Variants in BACH1 observed in about 807,000 individuals in gnomAD.
BACH1 encodes the protein BTB domain and CNC homolog 1.
BACH1 carries 35 observed loss-of-function variants against 52.9 expected under a neutral mutation model. That is an observed-to-expected ratio of 0.66 (90% CI 0.51 to 0.88). BACH1 has a LOEUF of 0.88. Among genes scored for constraint, BACH1 ranks in the 40% least tolerant of loss-of-function variants. BACH1 has a pLI of 0.00. For missense variants in BACH1, 808 were observed against 872.6 expected, an observed-to-expected ratio of 0.93 and a Z score of 0.93; for synonymous variants, 321 against 319.6, an observed-to-expected ratio of 1.00 and a Z score of -0.05.
At chr21:29,300,447 C>A (rs1158008657) in intron 1 of BACH1, among the ~76,000 whole-genome samples, 1 of 152,126 alleles carries the variant, frequency 6.6e-6, no homozygotes, top group East Asian at 1.9e-4. Flanking sequence ...GGGGACCCAG[C>A]TGGGGTTGTT....
intron 1 of BACH1, among the ~76,000 whole-genome samples, chr21:29,310,792 T>C (rs2088711893): frequency 6.6e-6 from 1 of 152,246 alleles, no homozygotes; most frequent in Non-Finnish European, 1.5e-5. Context: ...CTAAATGGTT[T>C]CCACGGAGTG....
Position 29,327,041 on chromosome 21 carries a change from G to A in BACH1, c.1217G>A (p.Cys406Tyr). The stretch of plus-strand genomic sequence containing the variant: ...GCAAAAGGCTTCTGGAGTGACATTT[G>A]CAGCACGGACACTCCTTGCCAAATG... ...HLAKGFWSDI[C>Y]STDTPCQMQL... Residue 406 changes from cysteine to tyrosine, a missense_variant, in exon 3 of 5, where the codon TGC becomes TAC. Cys to Tyr is a radical substitution (Grantham distance 194, BLOSUM62 -2). Transcript: ENST00000286800. 6.2e-7 allele frequency: 1 copy of A among 1,614,212 alleles called. No homozygotes were observed. The highest frequency in any genetic ancestry group is 1.1e-5 in the South Asian group (1 of 91,084).
chr21:29,331,144 A>G (rs2088976823), intron 4 of BACH1, among the ~76,000 whole-genome samples: 3 of 152,142 alleles, frequency 2.0e-5, no homozygotes, highest in Non-Finnish European at 4.4e-5. Flanking sequence ...CTGCCTTTAG[A>G]AGGAGTATAG....
chr21:29,324,243 A>AT (rs1413599433), intron 2 of BACH1, among the ~76,000 whole-genome samples: 1 of 151,162 alleles, frequency 6.6e-6, no homozygotes, highest in Non-Finnish European at 1.5e-5. Flanking sequence ...AAAAAAAAAA[A>AT]AAAAAAAAAG....
At chr21:29,348,417 C>G (rs1015840965), downstream of BACH1, among the ~76,000 whole-genome samples, 5 of 152,026 alleles carry the variant, frequency 3.3e-5, no homozygotes, top group Non-Finnish European at 7.4e-5. Context: ...TCCCACAGCT[C>G]AGTACCTAGT....
rs1363378792 is a variant in BACH1, at chr21:29,327,172, C to G, written c.1348C>G (p.Gln450Glu). The change falls in exon 3 of 5, where the codon CAA becomes GAA. Residue 450 changes from glutamine (Q) to glutamate (E), a missense_variant. Transcript: ENST00000286800. ...IRISESPEPG[Q>E]RTFTTLSSVN... ...GATTAGTGAGAGCCCAGAACCAGGT[C>G]AAAGGACTTTCACAACATTAAGTTC... 4 of 1,614,096 alleles carry G rather than the reference C, an allele frequency of 2.5e-6. No individual in the cohort carries two copies. The highest frequency in any genetic ancestry group is 1.3e-5 in the African/African-American group (1 of 74,918).
chr21:29,339,478 T>TCTTTAC lies in BACH1; in HGVS notation c.1777-2919_1777-2914dup, dbSNP rs568782185. On this transcript the variant is annotated intron_variant, in intron 4 of 4. Transcript: ENST00000286800. The stretch of plus-strand genomic sequence containing the variant: ...GTGACCATTTTCTAACAGTGAGTAC[T>TCTTTAC]CTTTACCCTATCATAAAATTGTCAC... 1.6e-3 allele frequency among the ~76,000 whole-genome samples: 249 copies of TCTTTAC among 152,324 alleles called. 2 individuals are homozygous for TCTTTAC. Among genetic ancestry groups the TCTTTAC allele is most frequent in the South Asian group, 0.011 (52 of 4,826 alleles).
intron 1 of BACH1, among the ~76,000 whole-genome samples, chr21:29,317,577 A>G (rs1180466387): frequency 3.3e-5 from 5 of 152,160 alleles, no homozygotes; most frequent in Non-Finnish European, 7.3e-5. Context: ...GGCTTGAGAT[A>G]AGTCTGGATT....
chr21:29,319,116 G>A (rs1417912056), intron 1 of BACH1, among the ~76,000 whole-genome samples: 1 of 152,154 alleles, frequency 6.6e-6, no homozygotes, highest in Admixed American at 6.5e-5. Flanking sequence ...GCTGTTTTGA[G>A]GCATAAACGA....
chr21:29,353,603 G>A (rs2089216231), intron 2 of BACH1, among the ~76,000 whole-genome samples: 1 of 152,172 alleles, frequency 6.6e-6, no homozygotes, highest in Non-Finnish European at 1.5e-5. Context: ...AGCCTACAGA[G>A]GTGGTTGAAA....
chr21:29,321,146 A>G (rs973160920), intron 1 of BACH1, 75 bp from the exon 2 acceptor site: 11 of 766,516 alleles, frequency 1.4e-5, no homozygotes, highest in Middle Eastern at 2.8e-4. Flanking sequence ...ATGAGTATGT[A>G]TCTTAGCCTG....
chr21:29,327,242 C>T lies in BACH1; in HGVS notation c.1418C>T (p.Ser473Leu), dbSNP rs761553877. 4 of 1,614,048 alleles carry T rather than the reference C, an allele frequency of 2.5e-6. No homozygotes were observed. In the African/African-American group the frequency reaches 5.3e-5, roughly 22 times the overall value. The change falls in exon 3 of 5, where the codon TCA becomes TTA. Residue 473 changes from serine to leucine, a missense_variant. Ser to Leu is a moderately radical substitution (Grantham distance 145). Transcript: ENST00000286800. ...AGTACTCTGAGTACTGAAGGCTGTT[C>T]AAGCAATTTGGAAATTGGAAACGAT... Reference protein sequence around the residue: ...FISTLSTEGCSSNLEIGNDDY... With the variant: ...FISTLSTEGCLSNLEIGNDDY...
chr21:29,316,116 A>G (rs1473948323), intron 1 of BACH1, among the ~76,000 whole-genome samples: 4 of 152,228 alleles, frequency 2.6e-5, no homozygotes, highest in Non-Finnish European at 5.9e-5. Flanking sequence ...ATACAAAGTT[A>G]TCTTCTGACT....
intron 1 of BACH1, among the ~76,000 whole-genome samples, chr21:29,314,679 A>G (rs1050610314): frequency 1.3e-5 from 2 of 152,146 alleles, no homozygotes; most frequent in Admixed American, 1.3e-4. Flanking sequence ...TCCTCTAACA[A>G]TGTCATCATT....
intron 4 of BACH1, among the ~76,000 whole-genome samples, chr21:29,334,554 A>G (rs1343633647): frequency 6.6e-6 from 1 of 152,222 alleles, no homozygotes; most frequent in Non-Finnish European, 1.5e-5. Flanking sequence ...TATCTCTGAT[A>G]ACCATTTTAA....
intron 2 of BACH1, 54 bp from the exon 3 acceptor site, chr21:29,326,005 A>G (rs1031774224): frequency 8.7e-6 from 13 of 1,492,162 alleles, no homozygotes; most frequent in East Asian, 4.6e-5. Context: ...TTTTGTTTTT[A>G]TGTACTAGAC....
rs902414776 is a variant in BACH1 at position 29,343,383 on chromosome 21, T to A, written c.*550T>A. 2.6e-5 allele frequency: 4 copies of A among 152,360 alleles called. No homozygotes were observed. The highest frequency in any genetic ancestry group is 5.9e-5 in the Non-Finnish European group (4 of 68,150). 9.4% of individuals were successfully genotyped at this position (152,360 alleles called of 1,614,324 possible). A position where few individuals can be genotyped will look rare whatever the true frequency, so the allele number is the denominator to read the frequency against. On this transcript the variant is annotated 3_prime_UTR_variant, in exon 5 of 5. Coordinates refer to ENST00000286800, the MANE Select transcript of BACH1 (RefSeq NM_001186.4). ...GATGGTCTTACCTGAATCTTAGGGC[T>A]TTGTTCTTCGGCTCCTAAAATCAGG...
Position 29,327,384 on chromosome 21 carries a change from A to G in BACH1, c.1560A>G (p.Gln520=), listed in dbSNP as rs1405748680. Residue 520 remains glutamine, a synonymous_variant, in exon 3 of 5, where the codon CAA becomes CAG. Transcript: ENST00000286800. ...GTGAATCCTGTTCAGCCAGAGAACA[A>G]GAATGTGAGGTGAGCAGGAATATGT... ...GDSESCSARE[Q]ECEVKLPFNA... is the part of the protein sequence containing the mutation. 5 of 1,612,532 alleles carry G rather than the reference A, an allele frequency of 3.1e-6. No homozygotes were observed. The highest frequency in any genetic ancestry group is 1.3e-5 in the African/African-American group (1 of 74,924).
rs1450553872 is a variant in BACH1 at position 29,345,196 on chromosome 21, TG to T, written c.*2366del. On this transcript the variant is annotated 3_prime_UTR_variant, in exon 5 of 5. Coordinates refer to ENST00000286800, the MANE Select transcript of BACH1 (RefSeq NM_001186.4). ...TTTACGTTTGTCTTTTGGCCATAAG[TG>T]GGAAAGTTTTCTGTATATTGCATAG... The T allele has an allele frequency of 6.6e-6, 1 of 152,610 alleles. No individual in the cohort carries two copies. Among genetic ancestry groups the T allele is most frequent in the Non-Finnish European group, 1.5e-5 (1 of 67,994 alleles). 9.5% of individuals were successfully genotyped at this position (152,610 alleles called of 1,614,324 possible). A position where few individuals can be genotyped will look rare whatever the true frequency, so the allele number is the denominator to read the frequency against.
Sources: allele counts gnomAD v4.1 joint callset (sites outside exome capture counted in the v4.1 genomes callset), GRCh38; gene constraint gnomAD v4.1.1; transcripts MANE v1.5; gene names NCBI Gene and HGNC (gene_info 2026-07-23, HGNC 2026-07-21).